TMCO1: variants seen among roughly 807,000 people sequenced by gnomAD.
TMCO1 encodes the protein transmembrane and coiled-coil domains 1.
Under a neutral mutation model 29.3 loss-of-function variants are expected in TMCO1, and 29 were observed. That is an observed-to-expected ratio of 0.99 (90% CI 0.74 to 1.35). The LOEUF is 1.35. Among genes scored for constraint, TMCO1 ranks in the 40% most tolerant of loss-of-function variants. TMCO1 has a pLI of 0.00. For synonymous variants in TMCO1, 80 were observed against 77.1 expected (o/e 1.04, Z -0.20); for missense variants, 173 against 225.5 (o/e 0.77, Z 1.49).
downstream of TMCO1, chr1:165,725,064 A>G (rs1274459827): frequency 2.5e-6 from 1 of 395,490 alleles, no homozygotes. Context: ...GTGTATATAC[A>G]TAATAGTATA....
intron 5 of TMCO1, among the ~76,000 whole-genome samples, chr1:165,747,745 G>T (rs376939729): frequency 1.3e-5 from 2 of 152,170 alleles, no homozygotes; most frequent in East Asian, 3.8e-4. Context: ...TGAGAGACAG[G>T]GTTAAACCCC....
At chr1:165,765,653 T>G (rs765574998) in intron 2 of TMCO1, among the ~76,000 whole-genome samples, 3 of 152,078 alleles carry the variant, frequency 2.0e-5, no homozygotes, top group Non-Finnish European at 4.4e-5. Flanking sequence ...AAGAAGGTAA[T>G]AGGATTAGCC....
intron 5 of TMCO1, among the ~76,000 whole-genome samples, chr1:165,746,800 T>A (rs1056140258): frequency 1.3e-5 from 2 of 152,072 alleles, no homozygotes; most frequent in Admixed American, 6.5e-5. Context: ...ACAATAGAAC[T>A]AGAGAACAGT....
chr1:165,764,532 A>G (rs1468589053), intron 2 of TMCO1, among the ~76,000 whole-genome samples: 1 of 152,232 alleles, frequency 6.6e-6, no homozygotes, highest in African/African-American at 2.4e-5. Flanking sequence ...GGAGTTTACT[A>G]AACAAAATGA....
At chr1:165,750,603 C>T (rs1394860598) in intron 5 of TMCO1, among the ~76,000 whole-genome samples, 1 of 148,726 alleles carries the variant, frequency 6.7e-6, no homozygotes, top group Non-Finnish European at 1.5e-5. Flanking sequence ...AAAGACATTT[C>T]AAAAAAGAGT....
chr1:165,754,418 C>A lies in TMCO1; in HGVS notation c.209-144G>T, dbSNP rs61190462. Reference sequence around the variant, plus strand: ...TGATGAAAACACCTGGGATAGTATACGTTTTGTACTCAGAAGATTCAAATG... The same window carrying A: ...TGATGAAAACACCTGGGATAGTATAAGTTTTGTACTCAGAAGATTCAAATG... On this transcript the variant is annotated intron_variant, in intron 3 of 6. Transcript: ENST00000367881. 4.4e-3 allele frequency: 2,851 copies of A among 646,070 alleles called. 63 individuals are homozygous for A. In the African/African-American group the frequency reaches 0.047, roughly 11 times the overall value. 40.0% of individuals were successfully genotyped at this position (646,070 alleles called of 1,614,324 possible). A position where few individuals can be genotyped will look rare whatever the true frequency, so the allele number is the denominator to read the frequency against.
chr1:165,741,751 T>TC (rs1651602652), intron 6 of TMCO1, among the ~76,000 whole-genome samples: 1 of 151,912 alleles, frequency 6.6e-6, no homozygotes, highest in Non-Finnish European at 1.5e-5. Flanking sequence ...TTTAGCACCA[T>TC]CCCCCTTGGT....
intron 3 of TMCO1, among the ~76,000 whole-genome samples, chr1:165,757,060 A>T (rs971073212): frequency 6.6e-6 from 1 of 152,184 alleles, no homozygotes; most frequent in Non-Finnish European, 1.5e-5. Context: ...TCAGCAGCCG[A>T]TTCAAAGGAA....
chr1:165,733,846 C>T (rs1343556996), intron 6 of TMCO1, among the ~76,000 whole-genome samples: 1 of 152,180 alleles, frequency 6.6e-6, no homozygotes, highest in African/African-American at 2.4e-5. Context: ...CTTCTACTGG[C>T]AGGAAAACCT....
chr1:165,754,352 G>A, intron 3 of TMCO1, 78 bp from the exon 4 acceptor site: 2 of 1,180,614 alleles, frequency 1.7e-6, no homozygotes, highest in South Asian at 1.2e-5. Context: ...TCACTGATTG[G>A]TGATTACAAA....
downstream of TMCO1, chr1:165,725,897 A>T (rs768295688): frequency 5.1e-6 from 3 of 589,288 alleles, no homozygotes; most frequent in African/African-American, 3.7e-5. Context: ...ATTTTAATGA[A>T]TAGGGTGAAT....
intron 5 of TMCO1, among the ~76,000 whole-genome samples, chr1:165,745,177 T>A (rs1224737367): frequency 6.7e-6 from 1 of 149,844 alleles, no homozygotes; most frequent in East Asian, 2.0e-4. Context: ...TATAGCACCA[T>A]GTCTGGCTAA....
intron 6 of TMCO1, among the ~76,000 whole-genome samples, chr1:165,738,595 C>T (rs971607452): frequency 2.6e-5 from 4 of 152,162 alleles, no homozygotes; most frequent in Non-Finnish European, 5.9e-5. Flanking sequence ...ACTTCAAATG[C>T]TGTTAAGGCA....
At chr1:165,724,887 G>A (rs1312093077), downstream of TMCO1, 4 of 453,498 alleles carry the variant, frequency 8.8e-6, no homozygotes, top group Non-Finnish European at 1.8e-5. Flanking sequence ...AATACAGAAA[G>A]GGCAGAAGCA....
chr1:165,730,976 T>C (rs1024419162), intron 6 of TMCO1, among the ~76,000 whole-genome samples: 1 of 151,914 alleles, frequency 6.6e-6, no homozygotes, highest in Non-Finnish European at 1.5e-5. Context: ...CTTGGCTCAC[T>C]GCAACCTCCG....
At chr1:165,740,745 C>A (rs1651563565) in intron 6 of TMCO1, among the ~76,000 whole-genome samples, 1 of 152,206 alleles carries the variant, frequency 6.6e-6, no homozygotes, top group Non-Finnish European at 1.5e-5. Context: ...ATGTCATTAT[C>A]ACTGGAGTGG....
intron 5 of TMCO1, among the ~76,000 whole-genome samples, chr1:165,748,212 C>T (rs1434935804): frequency 6.6e-6 from 1 of 151,668 alleles, no homozygotes; most frequent in Non-Finnish European, 1.5e-5. Context: ...CACTACAGTC[C>T]CCAACATGGG....
chr1:165,729,489 G>A (rs7525496), intron 6 of TMCO1, among the ~76,000 whole-genome samples: 3 of 151,588 alleles, frequency 2.0e-5, no homozygotes, highest in South Asian at 2.1e-4. Flanking sequence ...GCTAATTTTT[G>A]TATTTTTTTT....
downstream of TMCO1, chr1:165,725,022 C>CTATA (rs1485769184): frequency 1.3e-4 from 13 of 98,274 alleles, no homozygotes; most frequent in African/African-American, 2.5e-4. Context: ...CTCTCTCTCT[C>CTATA]TCTATATATA....
Sources: gnomAD v4.1 joint callset for allele counts (sites outside exome capture counted in the v4.1 genomes callset) on GRCh38, gnomAD v4.1.1 for gene constraint, MANE v1.5 for transcripts, NCBI Gene and HGNC (gene_info 2026-07-23, HGNC 2026-07-21) for gene names.